The following PLCL1 variants were observed in gnomAD, a reference collection of about 807,000 sequenced individuals.
The protein encoded by PLCL1 is phospholipase C like 1 (inactive).
A neutral mutation model predicts 84.4 loss-of-function variants in PLCL1; 41 were observed. The observed-to-expected ratio is 0.49, with a 90% CI of 0.38 to 0.63. The LOEUF (loss-of-function observed/expected upper bound fraction) is 0.63, where lower values mean the gene tolerates loss of function less well. Among genes scored for constraint, PLCL1 ranks in the 30% least tolerant of loss-of-function variants. The probability of loss-of-function intolerance (pLI) is 0.00; values close to 1 mark genes in which losing one functional copy is unlikely to be tolerated. For missense variants in PLCL1, 1,206 were observed against 1,367.8 expected (o/e 0.88, Z 1.87); for synonymous variants, 490 against 488.3 (o/e 1.00, Z -0.05).
At chr2:197,850,449 T>C (rs1687213061) in intron 1 of PLCL1, among the ~76,000 whole-genome samples, 1 of 152,094 alleles carries the variant, frequency 6.6e-6, no homozygotes, top group African/African-American at 2.4e-5. Context: ...TCTTGATAAA[T>C]ATGGTGTGTG....
chr2:198,019,995 C>T (rs565889434), intron 1 of PLCL1, among the ~76,000 whole-genome samples: 9 of 152,268 alleles, frequency 5.9e-5, no homozygotes, highest in African/African-American at 1.9e-4. Flanking sequence ...AGAGAAAAAT[C>T]GAGTTACCCA....
At chr2:197,925,465 A>G (rs1216092245) in intron 1 of PLCL1, among the ~76,000 whole-genome samples, 1 of 152,134 alleles carries the variant, frequency 6.6e-6, no homozygotes, top group African/African-American at 2.4e-5. Context: ...TTCAGTTTCT[A>G]TTATTTGGGA....
chr2:197,946,940 CAG>C (rs1203684775), intron 1 of PLCL1, among the ~76,000 whole-genome samples: 1 of 152,076 alleles, frequency 6.6e-6, no homozygotes, highest in Admixed American at 6.6e-5. Flanking sequence ...ACATCTTCCT[CAG>C]GGGCCCCCAC....
chr2:198,119,173 G>A (rs1173190454), intron 5 of PLCL1, among the ~76,000 whole-genome samples: 1 of 151,898 alleles, frequency 6.6e-6, no homozygotes, highest in East Asian at 1.9e-4. Flanking sequence ...TAGGCATTTG[G>A]AAAATAATAT....
intron 3 of PLCL1, 41 bp from the exon 4 acceptor site, chr2:198,101,244 G>C: frequency 6.5e-6 from 8 of 1,226,404 alleles, no homozygotes; most frequent in African/African-American, 3.0e-5. Flanking sequence ...GCCAGTTCAA[G>C]GATTCTGACA....
chr2:198,088,249 G>C (rs1692934780), intron 2 of PLCL1, among the ~76,000 whole-genome samples: 1 of 152,142 alleles, frequency 6.6e-6, no homozygotes, highest in African/African-American at 2.4e-5. Context: ...CTAATCAGAA[G>C]AAAAATGAAG....
chr2:197,897,041 C>A (rs1688148211), intron 1 of PLCL1, among the ~76,000 whole-genome samples: 1 of 151,982 alleles, frequency 6.6e-6, no homozygotes, highest in Admixed American at 6.6e-5. Context: ...TGTGATTAAG[C>A]CAAACAGTAT....
At chr2:197,919,118 T>A (rs1211227737) in intron 1 of PLCL1, among the ~76,000 whole-genome samples, 1 of 152,204 alleles carries the variant, frequency 6.6e-6, no homozygotes, top group Admixed American at 6.5e-5. Context: ...AAAGATCAGA[T>A]ATATTTATAG....
chr2:197,844,897 A>G (rs1279314338), intron 1 of PLCL1, among the ~76,000 whole-genome samples: 2 of 152,150 alleles, frequency 1.3e-5, no homozygotes, highest in African/African-American at 4.8e-5. Context: ...GACATTATAA[A>G]TGATGGTTTA....
At chr2:197,967,142 C>A (rs1465816877) in intron 1 of PLCL1, among the ~76,000 whole-genome samples, 1 of 152,052 alleles carries the variant, frequency 6.6e-6, no homozygotes, top group African/African-American at 2.4e-5. Flanking sequence ...GCTCCTGCAA[C>A]CTTACAAGAA....
intron 1 of PLCL1, among the ~76,000 whole-genome samples, chr2:198,065,001 T>A (rs1350678840): frequency 1.3e-5 from 2 of 152,152 alleles, no homozygotes; most frequent in Admixed American, 1.3e-4. Flanking sequence ...CTAAGATTTA[T>A]GTAGTCTTCA....
At chr2:198,055,415 T>A (rs759486197) in intron 1 of PLCL1, among the ~76,000 whole-genome samples, 1 of 149,980 alleles carries the variant, frequency 6.7e-6, no homozygotes, top group Non-Finnish European at 1.5e-5. Flanking sequence ...GTTCTTGGAG[T>A]ATTACATTAC....
intron 1 of PLCL1, among the ~76,000 whole-genome samples, chr2:197,992,517 G>A (rs1574230590): frequency 6.6e-6 from 1 of 152,004 alleles, no homozygotes; most frequent in African/African-American, 2.4e-5. Context: ...CCCCTCCTCA[G>A]CCTCCCAAAG....
At chr2:198,038,229 T>C (rs924342938) in intron 1 of PLCL1, among the ~76,000 whole-genome samples, 1 of 152,162 alleles carries the variant, frequency 6.6e-6, no homozygotes, top group African/African-American at 2.4e-5. Flanking sequence ...CACATACCCC[T>C]TGTGGCATGT....
intron 1 of PLCL1, among the ~76,000 whole-genome samples, chr2:197,975,117 C>T (rs575726819): frequency 1.3e-3 from 173 of 128,804 alleles, no homozygotes; most frequent in African/African-American, 4.7e-3. Context: ...GTCCGCAGTC[C>T]GGCCTGGGCG....
In PLCL1 at chr2:198,003,630, CT is replaced by C. The variant is rs535052645; in HGVS notation, c.241-80120del. Reference sequence around the variant, plus strand: ...ATTTCAGATAATTTCTTCTCAGATACTTTTTTTTGGCTCAACCTATGCTTAA... The same window carrying C: ...ATTTCAGATAATTTCTTCTCAGATACTTTTTTTGGCTCAACCTATGCTTAA... On this transcript the variant is annotated intron_variant, in intron 1 of 5. Transcript: ENST00000428675. Among the ~76,000 whole-genome samples, 681 of 152,076 alleles carry C rather than the reference CT, an allele frequency of 4.5e-3. 5 individuals are homozygous for C. The highest frequency in any genetic ancestry group is 0.016 in the African/African-American group (651 of 41,512).
chr2:198,032,001 C>T (rs181678520), intron 1 of PLCL1, among the ~76,000 whole-genome samples: 196 of 151,986 alleles, frequency 1.3e-3, no homozygotes, highest in African/African-American at 4.3e-3. Context: ...AGAATAAATC[C>T]ACAATAAATT....
intron 1 of PLCL1, among the ~76,000 whole-genome samples, chr2:198,016,978 A>G (rs1349682222): frequency 6.6e-6 from 1 of 152,114 alleles, no homozygotes; most frequent in Non-Finnish European, 1.5e-5. Flanking sequence ...GGTGCTTTTC[A>G]TGCCGTGCTT....
At chr2:198,071,832 T>A (rs753990275) in intron 1 of PLCL1, among the ~76,000 whole-genome samples, 59 of 151,890 alleles carry the variant, frequency 3.9e-4, no homozygotes, top group Non-Finnish European at 6.0e-4. Flanking sequence ...AAATATACTC[T>A]TATAGTTTTT....
Sources: gnomAD v4.1 joint callset for allele counts (sites outside exome capture counted in the v4.1 genomes callset) on GRCh38, gnomAD v4.1.1 for gene constraint, MANE v1.5 for transcripts, NCBI Gene and HGNC (gene_info 2026-07-23, HGNC 2026-07-21) for gene names.